The following ZNF169 variants were observed in gnomAD, a reference collection of about 807,000 sequenced individuals.
ZNF169 encodes zinc finger protein 169.
Under a neutral mutation model 12.0 loss-of-function variants are expected in ZNF169, and 11 were observed. That is an observed-to-expected ratio of 0.92 (90% CI 0.58 to 1.52). The LOEUF (loss-of-function observed/expected upper bound fraction) is 1.52. Among genes scored for constraint, ZNF169 ranks in the 40% most tolerant of loss-of-function variants. ZNF169 has a pLI of 0.00. For synonymous variants in ZNF169, 302 were observed against 286.5 expected, an observed-to-expected ratio of 1.05 and a Z score of -0.55; for missense variants, 722 against 744.0, an observed-to-expected ratio of 0.97 and a Z score of 0.34.
intron 1 of ZNF169, among the ~76,000 whole-genome samples, chr9:94,271,036 T>TTA (rs1410546939): frequency 2.2e-5 from 2 of 89,840 alleles, no homozygotes; most frequent in Non-Finnish European, 4.3e-5. Context: ...ATATATGTAT[T>TTA]TATATATATA....
chr9:94,299,644 T>C (rs1219195918), intron 4 of ZNF169, 171 bp from the exon 5 acceptor site: 4 of 1,398,702 alleles, frequency 2.9e-6, no homozygotes, highest in South Asian at 1.8e-5. Flanking sequence ...TTAGTTTGGC[T>C]GATAGGACTA....
At chr9:94,293,244 C>G (rs1372846480) in intron 4 of ZNF169, 175 bp downstream of exon 4, 1 of 635,274 alleles carries the variant, frequency 1.6e-6, no homozygotes, top group African/African-American at 1.8e-5. Context: ...CCCCCCAGGA[C>G]AGGGCACCCC....
chr9:94,284,824 T>G (rs1023769404), intron 2 of ZNF169, among the ~76,000 whole-genome samples: 1 of 152,114 alleles, frequency 6.6e-6, no homozygotes, highest in Non-Finnish European at 1.5e-5. Context: ...CCCAAAATGA[T>G]CTATAGATTT....
At chr9:94,298,233 A>G (rs1337542424) in intron 4 of ZNF169, among the ~76,000 whole-genome samples, 1 of 152,172 alleles carries the variant, frequency 6.6e-6, no homozygotes, top group African/African-American at 2.4e-5. Flanking sequence ...AGGAGTCTTT[A>G]AACAAAAGTA....
chr9:94,282,344 A>G (rs937910590), intron 2 of ZNF169, among the ~76,000 whole-genome samples: 8 of 152,174 alleles, frequency 5.3e-5, no homozygotes, highest in Admixed American at 2.0e-4. Context: ...CAGTTGGGAT[A>G]CATCTTAGTT....
chr9:94,262,704 C>T (rs775886565), intron 1 of ZNF169, among the ~76,000 whole-genome samples: 25 of 152,210 alleles, frequency 1.6e-4, no homozygotes, highest in South Asian at 6.2e-4. Flanking sequence ...CGTGATCCGC[C>T]TGCCTCGGCC....
intron 1 of ZNF169, among the ~76,000 whole-genome samples, chr9:94,277,168 G>A (rs1361549451): frequency 6.6e-6 from 1 of 152,160 alleles, no homozygotes; most frequent in African/African-American, 2.4e-5. Flanking sequence ...TCTGGTTGAC[G>A]GTTGACAATT....
chr9:94,290,053 T>C (rs1377089502), intron 2 of ZNF169, among the ~76,000 whole-genome samples: 1 of 152,222 alleles, frequency 6.6e-6, no homozygotes. Flanking sequence ...AAAATTTCTT[T>C]AGTTAAAAAT....
chr9:94,293,895 G>A (rs1223181620), intron 4 of ZNF169: 1 of 152,230 alleles, frequency 6.6e-6, no homozygotes, highest in Non-Finnish European at 1.5e-5. Flanking sequence ...TATAAAACCA[G>A]GTAATAGCCC....
intron 1 of ZNF169, among the ~76,000 whole-genome samples, chr9:94,270,337 C>CT (rs1385071614): frequency 6.6e-6 from 1 of 151,838 alleles, no homozygotes; most frequent in African/African-American, 2.4e-5. Flanking sequence ...TTCTGGTTTT[C>CT]TTTTTTCACT....
Position 94,293,473 on chromosome 9 carries a change from A to G in ZNF169, c.256+404A>G, listed in dbSNP as rs186776160. The G allele has an allele frequency of 1.5e-4, 65 of 445,434 alleles. 1 individual carries two copies. The highest frequency in any genetic ancestry group is 1.0e-3 in the African/African-American group (51 of 49,262). 27.6% of individuals were successfully genotyped at this position (445,434 alleles called of 1,614,324 possible). ...GTTCTGTCACCCAGGCTGGAGTGCA[A>G]TGGCATGATCTCGGCTCACTGCAAC... On this transcript the variant is annotated intron_variant, in intron 4 of 4. Coordinates refer to ENST00000395395, the MANE Select transcript of ZNF169 (RefSeq NM_194320.4).
rs570000096 is a variant in ZNF169 at position 94,292,607 on chromosome 9, T to TGTGTGTG, written c.160+140_160+141insGTGTGTG. The TGTGTGTG allele has an allele frequency of 1.0e-4, 71 of 678,926 alleles. No homozygotes were observed. In the Middle Eastern group the frequency reaches 1.1e-3, roughly 11 times the overall value. The allele number at this position is 678,926 out of a possible 1,614,324, so 42.1% of individuals were successfully genotyped here. On this transcript the variant is annotated intron_variant, in intron 3 of 4. Coordinates refer to ENST00000395395, the MANE Select transcript of ZNF169 (RefSeq NM_194320.4). ...AGAATGCCTGGCTTTCACAGTGCAG[T>TGTGTGTG]TGTGTGTGTGTGTGTGTGTGTGTGT...
chr9:94,276,364 C>G (rs1470498470), intron 1 of ZNF169, among the ~76,000 whole-genome samples: 1 of 151,972 alleles, frequency 6.6e-6, no homozygotes, highest in African/African-American at 2.4e-5. Context: ...CTCCCAGGTT[C>G]AAGTGATTCT....
At chr9:94,272,637 T>C (rs935579407) in intron 1 of ZNF169, among the ~76,000 whole-genome samples, 1 of 152,210 alleles carries the variant, frequency 6.6e-6, no homozygotes, top group Non-Finnish European at 1.5e-5. Context: ...AAAGTCTGAA[T>C]AATATTCCAT....
chr9:94,296,918 G>A (rs775993872), intron 4 of ZNF169: 11 of 431,424 alleles, frequency 2.5e-5, no homozygotes, highest in East Asian at 1.4e-4. Flanking sequence ...GTGGTGGTGC[G>A]CACCTGTAAT....
chr9:94,276,149 A>T (rs1181056412), intron 1 of ZNF169, among the ~76,000 whole-genome samples: 3 of 152,138 alleles, frequency 2.0e-5, no homozygotes, highest in Admixed American at 2.0e-4. Flanking sequence ...TTTAACCTAA[A>T]CTTAATACAA....
At chr9:94,296,683 G>A (rs2118661059) in intron 4 of ZNF169, 1 of 446,378 alleles carries the variant, frequency 2.2e-6, no homozygotes, top group East Asian at 7.3e-5. Flanking sequence ...TATGTGATAG[G>A]TCTATACCTG....
chr9:94,285,726 T>A (rs1830709505), intron 2 of ZNF169, among the ~76,000 whole-genome samples: 1 of 152,106 alleles, frequency 6.6e-6, no homozygotes, highest in African/African-American at 2.4e-5. Context: ...CTGATAAGAA[T>A]TGGCCAGGCA....
chr9:94,297,239 T>C (rs1830971658), intron 4 of ZNF169, among the ~76,000 whole-genome samples: 1 of 149,994 alleles, frequency 6.7e-6, no homozygotes, highest in Non-Finnish European at 1.5e-5. Context: ...TAAATAATAC[T>C]GTGTCTTACA....
Sources: allele counts gnomAD v4.1 joint callset (sites outside exome capture counted in the v4.1 genomes callset), GRCh38; gene constraint gnomAD v4.1.1; transcripts MANE v1.5; gene names NCBI Gene and HGNC (gene_info 2026-07-23, HGNC 2026-07-21).